Variants in DRC4 observed in about 807,000 individuals in gnomAD.
DRC4 encodes dynein regulatory complex subunit 4, also known as GAS-11.
the DRC4 span, chr16:90,036,376 T>G: frequency 3.8e-6 from 6 of 1,596,334 alleles, no homozygotes; most frequent in Non-Finnish European, 3.4e-6. Flanking sequence ...GCTGCTGCCT[T>G]TCAGAAATTG....
the DRC4 span, among the ~76,000 whole-genome samples, chr16:90,034,949 G>C: frequency 0.15 from 20,628 of 140,880 alleles, 2,412 homozygotes; most frequent in East Asian, 0.63. Flanking sequence ...TGTTGCCCAG[G>C]CTGGAGTGCA....
chr16:90,034,160 C>T, the DRC4 span, among the ~76,000 whole-genome samples: 3 of 152,292 alleles, frequency 2.0e-5, no homozygotes, highest in Non-Finnish European at 4.4e-5. Flanking sequence ...ATTTGCCTCA[C>T]GCCTGGAAGC....
At chr16:90,038,981 C>T in the DRC4 span, among the ~76,000 whole-genome samples, 1 of 152,182 alleles carries the variant, frequency 6.6e-6, no homozygotes, top group South Asian at 2.1e-4. Flanking sequence ...GAACACAAAC[C>T]GTTGTAGTGG....
the DRC4 span, chr16:90,037,669 T>C: frequency 2.4e-6 from 3 of 1,261,788 alleles, no homozygotes; most frequent in Non-Finnish European, 3.5e-6. Flanking sequence ...CTGGCGATTA[T>C]TTTTGGCCTT....
At chr16:90,028,849 C>G in the DRC4 span, 2 of 911,628 alleles carry the variant, frequency 2.2e-6, no homozygotes, top group African/African-American at 3.5e-5. Context: ...AAAATCAATA[C>G]GAAGGAGACT....
chr16:90,031,453 G>T, the DRC4 span: 17 of 1,600,558 alleles, frequency 1.1e-5, no homozygotes, highest in African/African-American at 1.9e-4. Flanking sequence ...AACAAAGACC[G>T]GGAGATGGAA....
At chr16:90,032,957 G>T in the DRC4 span, 1 of 1,593,074 alleles carries the variant, frequency 6.3e-7, no homozygotes, top group African/African-American at 1.3e-5. Flanking sequence ...GAGGCTGACA[G>T]GTTGTTGGGA....
At chr16:90,036,316 T>G in the DRC4 span, 1 of 1,410,828 alleles carries the variant, frequency 7.1e-7, no homozygotes, top group Non-Finnish European at 9.7e-7. Flanking sequence ...ACAGGCTCCA[T>G]GTTCTGTAGC....
At chr16:90,027,765 G>A in the DRC4 span, 1 of 1,572,268 alleles carries the variant, frequency 6.4e-7, no homozygotes, top group Non-Finnish European at 8.8e-7. Context: ...GTGGGCGTGG[G>A]CGGGCACCAC....
At chr16:90,032,801 G>A in the DRC4 span, 2 of 1,613,978 alleles carry the variant, frequency 1.2e-6, no homozygotes, top group South Asian at 1.1e-5. Context: ...CTGTAGTCAT[G>A]AAGCTGGCAC....
chr16:90,039,021 C>T, the DRC4 span, among the ~76,000 whole-genome samples: 88 of 152,350 alleles, frequency 5.8e-4, no homozygotes, highest in African/African-American at 1.2e-3. Context: ...TCCCATCTGT[C>T]TGTCAGATCT....
At chr16:90,026,969 A>G in the DRC4 span, among the ~76,000 whole-genome samples, 3 of 150,000 alleles carry the variant, frequency 2.0e-5, no homozygotes, top group African/African-American at 7.4e-5. Context: ...CTGGAGTGCA[A>G]TGGTGGGATC....
chr16:90,022,299 A>G, the DRC4 span: 1 of 169,378 alleles, frequency 5.9e-6, no homozygotes, highest in Non-Finnish European at 1.3e-5. Flanking sequence ...GTGTTTGCCC[A>G]GATTTGAATC....
At chr16:90,022,520 C>A in the DRC4 span, 1 of 496,302 alleles carries the variant, frequency 2.0e-6, no homozygotes, top group Non-Finnish European at 3.4e-6. Flanking sequence ...GCGACATTTT[C>A]CCAACGTTCA....
chr16:90,035,010 T>G, the DRC4 span, among the ~76,000 whole-genome samples: 10 of 151,132 alleles, frequency 6.6e-5, no homozygotes, highest in Non-Finnish European at 1.5e-4. Flanking sequence ...TTCAAGCTAT[T>G]CTCCTGCCTC....
chr16:90,021,856 C>CAAAAA, the DRC4 span, among the ~76,000 whole-genome samples: 24 of 28,912 alleles, frequency 8.3e-4, 1 homozygote, highest in East Asian at 5.7e-3. Flanking sequence ...ACCCTGTCTC[C>CAAAAA]AAAAAAAAAA....
At chr16:90,028,247 C>A in the DRC4 span, among the ~76,000 whole-genome samples, 1 of 127,940 alleles carries the variant, frequency 7.8e-6, no homozygotes, top group South Asian at 2.6e-4. Flanking sequence ...TGCAGTGGCG[C>A]GATCTCGGCT....
At chr16:90,043,467 C>A in the DRC4 span, 4 of 998,656 alleles carry the variant, frequency 4.0e-6, no homozygotes, top group Non-Finnish European at 5.8e-6. Flanking sequence ...AAGCTTTTCA[C>A]ATGTTCTTGC....
At chr16:90,037,875 G>A in the DRC4 span, 1 of 1,600,520 alleles carries the variant, frequency 6.2e-7, no homozygotes, top group Non-Finnish European at 8.6e-7. Flanking sequence ...TGGCCCTGCA[G>A]TTGGCGGTGG....
Sources: allele counts gnomAD v4.1 joint callset (sites outside exome capture counted in the v4.1 genomes callset), GRCh38; gene constraint gnomAD v4.1.1; transcripts MANE v1.5; gene names NCBI Gene and HGNC (gene_info 2026-07-23, HGNC 2026-07-21).